FYB1: variants seen among roughly 807,000 people sequenced by gnomAD.
FYB1 encodes the protein FYN binding protein 1.
Under a neutral mutation model 94.1 loss-of-function variants are expected in FYB1, and 41 were observed. The ratio of observed to expected loss-of-function variants is 0.44; its 90% CI spans 0.34 to 0.57. FYB1 has a LOEUF of 0.57. FYB1 is among the 20% of genes least tolerant of loss of function. FYB1 has a pLI of 0.02. For synonymous variants in FYB1, 367 were observed against 353.2 expected (o/e 1.04, Z -0.44); for missense variants, 1,050 against 976.8 (o/e 1.07, Z -1.00).
chr5:39,153,811 C>G (rs1225297728), intron 2 of FYB1, among the ~76,000 whole-genome samples: 2 of 152,142 alleles, frequency 1.3e-5, no homozygotes, highest in African/African-American at 4.8e-5. Context: ...TCTAGCTCTG[C>G]TACCCAGGCT....
intron 4 of FYB1, 115 bp downstream of exon 4, chr5:39,140,980 C>A (rs1742122545): frequency 5.6e-6 from 4 of 709,566 alleles, no homozygotes; most frequent in Non-Finnish European, 9.9e-6. Flanking sequence ...ACGAGAGGGG[C>A]CTTGCACAGA....
chr5:39,175,845 G>T (rs1224468238), intron 2 of FYB1, among the ~76,000 whole-genome samples: 2 of 152,158 alleles, frequency 1.3e-5, no homozygotes, highest in Non-Finnish European at 2.9e-5. Flanking sequence ...CCTAGTGAAT[G>T]CTACTGGCTT....
intron 1 of FYB1, among the ~76,000 whole-genome samples, chr5:39,206,672 T>C (rs1396243988): frequency 6.6e-6 from 1 of 152,212 alleles, no homozygotes; most frequent in Non-Finnish European, 1.5e-5. Context: ...TGATTAGCAA[T>C]GTTCCGTTTT....
chr5:39,181,331 A>T (rs966073450), intron 2 of FYB1, among the ~76,000 whole-genome samples: 2 of 152,212 alleles, frequency 1.3e-5, no homozygotes, highest in Non-Finnish European at 2.9e-5. Context: ...GCCTGTGGCT[A>T]TTGAATGTTT....
At chr5:39,236,906 G>A (rs1212265679) in intron 1 of FYB1, among the ~76,000 whole-genome samples, 1 of 152,070 alleles carries the variant, frequency 6.6e-6, no homozygotes, top group Admixed American at 6.6e-5. Flanking sequence ...GGCCTAACAC[G>A]TAGCAGGTAC....
chr5:39,199,750 G>T (rs1356107534), intron 2 of FYB1, among the ~76,000 whole-genome samples: 1 of 152,132 alleles, frequency 6.6e-6, no homozygotes, highest in East Asian at 1.9e-4. Context: ...TGGGGTAGGG[G>T]CTGGAAAGAC....
At chr5:39,157,988 A>G (rs1441232254) in intron 2 of FYB1, among the ~76,000 whole-genome samples, 1 of 152,190 alleles carries the variant, frequency 6.6e-6, no homozygotes, top group African/African-American at 2.4e-5. Flanking sequence ...AGAAGGACAT[A>G]ATAGGCATCT....
chr5:39,234,296 T>G (rs1362805), intron 1 of FYB1, among the ~76,000 whole-genome samples: 25,494 of 151,958 alleles, frequency 0.17, 5,698 homozygotes, highest in African/African-American at 0.49. Flanking sequence ...AATCCAGGCA[T>G]GGAGACACAT....
intron 9 of FYB1, among the ~76,000 whole-genome samples, chr5:39,133,665 T>G (rs1741403132): frequency 6.6e-6 from 1 of 152,060 alleles, no homozygotes; most frequent in Non-Finnish European, 1.5e-5. Context: ...ATTCTTGAAG[T>G]GAAGGTCATT....
intron 14 of FYB1, among the ~76,000 whole-genome samples, 166 bp from the exon 15 acceptor site, chr5:39,119,800 A>G (rs1263121562): frequency 6.6e-6 from 1 of 152,128 alleles, no homozygotes; most frequent in African/African-American, 2.4e-5. Flanking sequence ...GACATTCCAT[A>G]ATGTAGGAGG....
intron 2 of FYB1, among the ~76,000 whole-genome samples, chr5:39,162,225 T>C (rs569824841): frequency 2.6e-4 from 39 of 152,346 alleles, no homozygotes; most frequent in African/African-American, 8.9e-4. Flanking sequence ...GGTAACTCCA[T>C]ATTCAACCTT....
intron 1 of FYB1, among the ~76,000 whole-genome samples, chr5:39,255,366 A>G (rs1347622531): frequency 6.6e-6 from 1 of 151,706 alleles, no homozygotes; most frequent in African/African-American, 2.4e-5. Flanking sequence ...TGCCACCTAC[A>G]TTCTCTAATG....
intron 2 of FYB1, among the ~76,000 whole-genome samples, chr5:39,185,201 C>T (rs1746635751): frequency 6.6e-6 from 1 of 152,036 alleles, no homozygotes; most frequent in Admixed American, 6.6e-5. Flanking sequence ...AAATAATTAA[C>T]TTCTTTAGGA....
chr5:39,256,605 G>A lies in FYB1; in HGVS notation c.-28+17798C>T, dbSNP rs186484687. Reference sequence around the variant, plus strand: ...TACAGGTGGACTTTGCTTAGAAATCGGAAGCTACGACGATTTCACCCTCAC... The same window carrying A: ...TACAGGTGGACTTTGCTTAGAAATCAGAAGCTACGACGATTTCACCCTCAC... On this transcript the variant is annotated intron_variant, in intron 1 of 1. Transcript: ENST00000510188. 3.0e-3 allele frequency among the ~76,000 whole-genome samples: 456 copies of A among 152,192 alleles called. 3 individuals are homozygous for A. Among genetic ancestry groups the A allele is most frequent in the African/African-American group, 8.9e-3 (370 of 41,518 alleles).
chr5:39,207,300 T>C (rs1350249132), intron 1 of FYB1, among the ~76,000 whole-genome samples: 1 of 152,200 alleles, frequency 6.6e-6, no homozygotes, highest in Non-Finnish European at 1.5e-5. Flanking sequence ...CAAACACAGA[T>C]TTAATAGTAG....
At position 39,151,512 on chromosome 5, in the gene FYB1, A is replaced by T. The variant is rs573397917; in HGVS notation, c.1292+1936T>A. On this transcript the variant is annotated intron_variant, in intron 3 of 18. Transcript: ENST00000512982. ...GCTATATTGCCCAGGCTGGTCTCAAACTCCTGAGCTCAAGCGATCCTCCCA... is the reference window on the plus strand; with the variant it reads ...GCTATATTGCCCAGGCTGGTCTCAATCTCCTGAGCTCAAGCGATCCTCCCA... Among the ~76,000 whole-genome samples the T allele has an allele frequency of 6.4e-4, 96 of 151,010 alleles. 1 individual carries two copies. The highest frequency in any genetic ancestry group is 2.2e-3 in the African/African-American group (91 of 41,072).
chr5:39,205,211 C>A (rs1284652150), intron 1 of FYB1, among the ~76,000 whole-genome samples: 1 of 152,122 alleles, frequency 6.6e-6, no homozygotes, highest in East Asian at 1.9e-4. Flanking sequence ...TAATGTATAT[C>A]CCAGATTTAT....
At chr5:39,190,792 G>GTGTGTGTGTGT (rs74849291) in intron 2 of FYB1, among the ~76,000 whole-genome samples, 2 of 150,518 alleles carry the variant, frequency 1.3e-5, no homozygotes, top group East Asian at 3.9e-4. Flanking sequence ...GTGTGTGTGT[G>GTGTGTGTGTGT]AGAGAGAGAT....
At chr5:39,229,010 T>G (rs1750605963) in intron 1 of FYB1, among the ~76,000 whole-genome samples, 1 of 152,188 alleles carries the variant, frequency 6.6e-6, no homozygotes, top group Admixed American at 6.6e-5. Context: ...CAAGGCTTTG[T>G]CTTACAGTGG....
Sources: allele counts gnomAD v4.1 joint callset (sites outside exome capture counted in the v4.1 genomes callset), GRCh38; gene constraint gnomAD v4.1.1; transcripts MANE v1.5; gene names NCBI Gene and HGNC (gene_info 2026-07-23, HGNC 2026-07-21).